TRAF3IP3: variants seen among roughly 807,000 people sequenced by gnomAD.
TRAF3IP3 encodes the protein TRAF3 interacting protein 3.
In TRAF3IP3, 64 loss-of-function variants were observed where a neutral mutation model predicts 86.5. That is an observed-to-expected ratio of 0.74 (90% CI 0.60 to 0.91). The LOEUF is 0.91. TRAF3IP3 is among the 40% of genes least tolerant of loss of function. The pLI is 0.00. For missense variants in TRAF3IP3, 579 were observed against 642.9 expected, an observed-to-expected ratio of 0.90 and a Z score of 1.07; for synonymous variants, 220 against 243.9, an observed-to-expected ratio of 0.90 and a Z score of 0.91.
chr1:209,773,039 C>T lies in TRAF3IP3; in HGVS notation c.774+20C>T, dbSNP rs1318288804. ...ACCCAGGTAAGCATTCTGAAGGATA[C>T]TTCCATCTCAGGAATCTAGAATTAA... On this transcript the variant is annotated intron_variant, in intron 9 of 16. Transcript: ENST00000367025. 2 of 1,574,674 alleles carry T rather than the reference C, an allele frequency of 1.3e-6. No individual in the cohort carries two copies. The highest frequency in any genetic ancestry group is 1.7e-4 in the Middle Eastern group (1 of 5,980).
chr1:209,758,194 C>T (rs576520873), intron 1 of TRAF3IP3, among the ~76,000 whole-genome samples: 20 of 152,192 alleles, frequency 1.3e-4, no homozygotes, highest in Non-Finnish European at 2.6e-4. Flanking sequence ...AAGAAAGTGG[C>T]AGGGAAGAAG....
At chr1:209,757,630 G>C (rs1466564614) in intron 1 of TRAF3IP3, among the ~76,000 whole-genome samples, 1 of 152,212 alleles carries the variant, frequency 6.6e-6, no homozygotes, top group African/African-American at 2.4e-5. Context: ...GTCAAAGAGA[G>C]AGAGGGTTGA....
chr1:209,767,217 C>T (rs886836238), intron 8 of TRAF3IP3, among the ~76,000 whole-genome samples: 35 of 152,078 alleles, frequency 2.3e-4, no homozygotes, highest in Admixed American at 9.2e-4. Context: ...ATCAGAGATC[C>T]TTTAGAATGC....
chr1:209,765,156 CAGAGCAGGACTCTG>C (rs1264052595), intron 8 of TRAF3IP3, among the ~76,000 whole-genome samples: 1 of 133,862 alleles, frequency 7.5e-6, no homozygotes, highest in East Asian at 2.6e-4. Flanking sequence ...GCCTAGATGA[CAGAGCAGGACTCTG>C]AGAGACAGGA....
rs1292871606 is a variant in TRAF3IP3 at position 209,760,300 on chromosome 1, A to C, written c.261A>C (p.Gln87His). The change falls in exon 3 of 17, where the codon CAA becomes CAC. Residue 87 changes from glutamine to histidine, a missense_variant. Coordinates refer to ENST00000367025, the MANE Select transcript of TRAF3IP3 (RefSeq NM_025228.4). ...CGCAGCATCCCCAGGCCAGGGAGCA[A>C]GGGCCCTCCAGGCGGCCAGGACAGG... is the stretch of plus-strand genomic sequence containing the variant. Reference protein sequence around the residue: ...GKAQHPQAREQGPSRRPGQVT... With the variant: ...GKAQHPQAREHGPSRRPGQVT... The C allele has an allele frequency of 6.2e-7, 1 of 1,614,032 alleles. No homozygotes were observed. Among genetic ancestry groups the C allele is most frequent in the Non-Finnish European group, 8.5e-7 (1 of 1,179,996 alleles).
chr1:209,768,748 T>C (rs968489315), intron 8 of TRAF3IP3: 1 of 957,808 alleles, frequency 1.0e-6, no homozygotes, highest in African/African-American at 1.8e-5. Flanking sequence ...CTGCCTAGAA[T>C]GTCAGCAGTA....
intron 1 of TRAF3IP3, among the ~76,000 whole-genome samples, chr1:209,757,096 T>C (rs1425767296): frequency 6.6e-6 from 1 of 152,194 alleles, no homozygotes; most frequent in African/African-American, 2.4e-5. Flanking sequence ...GAAACCTGGG[T>C]AGGGTTCTAT....
At chr1:209,775,317 T>G in intron 9 of TRAF3IP3, 32 bp from the exon 10 acceptor site, 1 of 1,584,198 alleles carries the variant, frequency 6.3e-7, no homozygotes, top group Non-Finnish European at 8.6e-7. Context: ...AGAAGCTCAA[T>G]GTGTATTTGT....
chr1:209,764,333 T>C (rs1039842286), intron 8 of TRAF3IP3, among the ~76,000 whole-genome samples: 3 of 151,762 alleles, frequency 2.0e-5, no homozygotes, highest in Non-Finnish European at 4.4e-5. Flanking sequence ...TATAGGAAAA[T>C]ACAAGAAGGA....
chr1:209,766,946 G>T (rs1158301957), intron 8 of TRAF3IP3, among the ~76,000 whole-genome samples: 3 of 152,204 alleles, frequency 2.0e-5, no homozygotes, highest in Non-Finnish European at 4.4e-5. Context: ...AAGCAAGAGT[G>T]ATGATGAGGG....
intron 13 of TRAF3IP3, chr1:209,778,444 G>T: frequency 2.3e-6 from 1 of 434,396 alleles, no homozygotes; most frequent in Non-Finnish European, 4.1e-6. Flanking sequence ...TTTAAATACT[G>T]GGTTTCCTAA....
chr1:209,766,302 G>A (rs1201316233), intron 8 of TRAF3IP3, among the ~76,000 whole-genome samples: 1 of 152,194 alleles, frequency 6.6e-6, no homozygotes, highest in Admixed American at 6.5e-5. Context: ...TTCTGGTCCT[G>A]AACTAAATTG....
Position 209,777,482 on chromosome 1 carries a change from T to C in TRAF3IP3, c.1184T>C (p.Leu395Pro). ...RDLCSLDTQD[L>P]QDQLKRSEAE... ...CTGTGCAGCTTGGATACCCAGGACC[T>C]ACAAGGTACTCTTCTCCTTGGAGGC... Residue 395 changes from leucine (L) to proline (P), a missense_variant, in exon 12 of 17, where the codon CTA becomes CCA. Coordinates refer to ENST00000367025, the MANE Select transcript of TRAF3IP3 (RefSeq NM_025228.4). The C allele has an allele frequency of 1.9e-6, 3 of 1,612,104 alleles. No individual in the cohort carries two copies. Among genetic ancestry groups the C allele is most frequent in the South Asian group, 1.1e-5 (1 of 90,898 alleles).
chr1:209,771,138 ATG>A (rs746305184), intron 8 of TRAF3IP3, among the ~76,000 whole-genome samples: 10 of 109,964 alleles, frequency 9.1e-5, no homozygotes, highest in Non-Finnish European at 1.3e-4. Context: ...GTGCATATGG[ATG>A]TGTGTGCATG....
chr1:209,781,997 C>T, intron 16 of TRAF3IP3, 59 bp from the exon 17 acceptor site: 1 of 1,398,230 alleles, frequency 7.2e-7, no homozygotes. Flanking sequence ...AAGATTTTTG[C>T]CTATATCTTT....
rs2077213552 is a variant in TRAF3IP3, at chr1:209,759,809, A to C, written c.-58-173A>C. On this transcript the variant is annotated intron_variant, in intron 2 of 16. Coordinates refer to ENST00000367025, the MANE Select transcript of TRAF3IP3 (RefSeq NM_025228.4). ...CACTTTTATAAGACTGTATTAGTTC[A>C]TTAGAGACTGAGCCCAAGAGTCCTG... Among the ~76,000 whole-genome samples the C allele has an allele frequency of 2.0e-5, 3 of 152,242 alleles. 1 individual carries two copies. The South Asian group carries it at 6.2e-4, about 31-fold the overall frequency.
Position 209,781,341 on chromosome 1 carries a change from C to A in TRAF3IP3, c.1450-4C>A. The A allele has an allele frequency of 4.4e-6, 7 of 1,590,708 alleles. No individual in the cohort carries two copies. Among genetic ancestry groups the A allele is most frequent in the South Asian group, 1.1e-5 (1 of 90,432 alleles). ...AGTGATGACTTTGGTGATGTTCTCC[C>A]CAGTGCAGAGAACTGCATTCAGAAT... On this transcript the variant is annotated splice_polypyrimidine_tract_variant and splice_region_variant and intron_variant, in intron 15 of 16. Coordinates refer to ENST00000367025, the MANE Select transcript of TRAF3IP3 (RefSeq NM_025228.4).
chr1:209,760,833 C>CAAAGATGGGAGGA (rs1288693249), intron 3 of TRAF3IP3, among the ~76,000 whole-genome samples: 1 of 151,832 alleles, frequency 6.6e-6, no homozygotes. Flanking sequence ...AATCAGGAGG[C>CAAAGATGGGAGGA]AAAGATGGGA....
At chr1:209,779,723 T>G in intron 14 of TRAF3IP3, 2 of 576,956 alleles carry the variant, frequency 3.5e-6, no homozygotes, top group South Asian at 4.1e-5. Flanking sequence ...CCAAACCACA[T>G]AGCAGTCCAG....
Sources: gnomAD v4.1 joint callset for allele counts (sites outside exome capture counted in the v4.1 genomes callset) on GRCh38, gnomAD v4.1.1 for gene constraint, MANE v1.5 for transcripts, NCBI Gene and HGNC (gene_info 2026-07-23, HGNC 2026-07-21) for gene names.